CSMD2: variants seen among roughly 807,000 people sequenced by gnomAD.
The protein encoded by CSMD2 is CUB and sushi domain-containing protein 2.
Under a neutral mutation model 398.5 loss-of-function variants are expected in CSMD2, and 130 were observed. The ratio of observed to expected loss-of-function variants is 0.33; its 90% CI spans 0.28 to 0.38. CSMD2 has a LOEUF of 0.38. Ranked by LOEUF, CSMD2 falls within the 10% of genes least tolerant of loss-of-function variation. The pLI is 1.00. For missense variants in CSMD2, 3,829 were observed against 4,764.9 expected (o/e 0.80, Z 5.78); for synonymous variants, 1,828 against 1,908.5 (o/e 0.96, Z 1.10).
intron 3 of CSMD2, among the ~76,000 whole-genome samples, chr1:34,013,636 A>G (rs1461969593): frequency 4.6e-5 from 7 of 152,106 alleles, no homozygotes; most frequent in Non-Finnish European, 8.8e-5. Flanking sequence ...AGGAGCTGAC[A>G]CTACAACTGC....
At chr1:33,957,967 A>G (rs968473143) in intron 3 of CSMD2, among the ~76,000 whole-genome samples, 4 of 151,426 alleles carry the variant, frequency 2.6e-5, no homozygotes, top group African/African-American at 9.7e-5. Context: ...GCACGCACGC[A>G]TGTGTGTGTG....
At chr1:33,575,559 G>T (rs944388690) in intron 49 of CSMD2, among the ~76,000 whole-genome samples, 1 of 152,120 alleles carries the variant, frequency 6.6e-6, no homozygotes, top group Non-Finnish European at 1.5e-5. Flanking sequence ...GGAGGCAAGG[G>T]GTGCAGTGGG....
At chr1:33,796,235 C>T (rs1249220415) in intron 10 of CSMD2, among the ~76,000 whole-genome samples, 2 of 152,208 alleles carry the variant, frequency 1.3e-5, no homozygotes, top group South Asian at 4.1e-4. Context: ...CTGAGACCTA[C>T]AATGTGCTCA....
Position 33,662,754 on chromosome 1 carries a change from A to G in CSMD2, c.4255+136T>C, listed in dbSNP as rs561872314. ...ACAGACATTTGAACAGGTGCTAACC[A>G]TGTACCAGGCACATAGCAGATGTTC... On this transcript the variant is annotated intron_variant, in intron 26 of 70. Coordinates refer to ENST00000373381, the MANE Select transcript of CSMD2 (RefSeq NM_001281956.2). The G allele has an allele frequency of 1.7e-4, 146 of 855,464 alleles. No homozygotes were observed. In the African/African-American group the frequency reaches 2.2e-3, roughly 13 times the overall value. The allele number at this position is 855,464 out of a possible 1,614,324, so 53.0% of individuals were successfully genotyped here. A position where few individuals can be genotyped will look rare whatever the true frequency, so the allele number is the denominator to read the frequency against.
In CSMD2 at chr1:33,552,354, C is replaced by T. The variant is rs1312596824; in HGVS notation, c.8744-2004G>A. On this transcript the variant is annotated intron_variant, in intron 55 of 70. Coordinates refer to ENST00000373381, the MANE Select transcript of CSMD2 (RefSeq NM_001281956.2). ...TTTGGAAAACAGTTTGGCAGTTCCT[C>T]AAAAAGTTAAATATAGAGTTCCTAT... is the stretch of plus-strand genomic sequence containing the variant. Among the ~76,000 whole-genome samples the T allele has an allele frequency of 2.6e-5, 4 of 152,310 alleles. No homozygotes were observed. In the East Asian group the frequency reaches 7.7e-4, roughly 29 times the overall value.
chr1:33,744,901 G>T (rs1437135162), intron 13 of CSMD2, among the ~76,000 whole-genome samples: 2 of 152,102 alleles, frequency 1.3e-5, no homozygotes, highest in African/African-American at 4.8e-5. Flanking sequence ...CTTTTTGAAG[G>T]GAGTATGTAA....
chr1:33,942,169 T>C (rs996613428), intron 3 of CSMD2, among the ~76,000 whole-genome samples: 3 of 152,228 alleles, frequency 2.0e-5, no homozygotes, highest in African/African-American at 7.2e-5. Flanking sequence ...TTGCCAGAGA[T>C]GTTGGAGCAT....
chr1:33,888,578 A>G (rs1238053648), intron 5 of CSMD2, among the ~76,000 whole-genome samples: 1 of 152,182 alleles, frequency 6.6e-6, no homozygotes, highest in Non-Finnish European at 1.5e-5. Flanking sequence ...TATAGCTCAA[A>G]CCTCGTACAA....
At chr1:33,600,150 G>A in intron 44 of CSMD2, 1 of 714,934 alleles carries the variant, frequency 1.4e-6, no homozygotes, top group South Asian at 1.5e-5. Flanking sequence ...AGTGGGGAAG[G>A]GACCTGTGCA....
intron 3 of CSMD2, among the ~76,000 whole-genome samples, chr1:33,953,788 G>A (rs971345037): frequency 6.6e-6 from 1 of 152,304 alleles, no homozygotes; most frequent in South Asian, 2.1e-4. Context: ...AGCTGACCCT[G>A]CTCCCTGAGA....
chr1:33,940,066 A>G lies in CSMD2; in HGVS notation c.518-4112T>C, dbSNP rs146389321. ...AGAAGTTTAAAATCAAGGTGTCAGCAGAGCCATGATCTCTTTGAAACTTGT... is the reference window on the plus strand; with the variant it reads ...AGAAGTTTAAAATCAAGGTGTCAGCGGAGCCATGATCTCTTTGAAACTTGT... On this transcript the variant is annotated intron_variant, in intron 3 of 70. Transcript: ENST00000373381. 9.7e-3 allele frequency among the ~76,000 whole-genome samples: 1,482 copies of G among 152,366 alleles called. 21 individuals are homozygous for G. Among genetic ancestry groups the G allele is most frequent in the African/African-American group, 0.034 (1,404 of 41,582 alleles).
rs908676708 is a variant in CSMD2 at position 33,527,814 on chromosome 1, T to C, written c.10172-556A>G. Among the ~76,000 whole-genome samples the C allele has an allele frequency of 2.4e-4, 37 of 152,146 alleles. 1 individual carries two copies. Among genetic ancestry groups the C allele is most frequent in the Admixed American group, 1.4e-3 (22 of 15,264 alleles). On this transcript the variant is annotated intron_variant, in intron 64 of 70. Transcript: ENST00000373381. ...CATCCAAGTGCACAGACTCCCTGAATGTCCTCATTGAAAACTTTGCGGAGG... is the reference window on the plus strand; with the variant it reads ...CATCCAAGTGCACAGACTCCCTGAACGTCCTCATTGAAAACTTTGCGGAGG...
chr1:33,544,168 G>A (rs559186355), intron 57 of CSMD2, among the ~76,000 whole-genome samples: 2 of 144,404 alleles, frequency 1.4e-5, no homozygotes, highest in South Asian at 2.2e-4. Flanking sequence ...CTGCAGTGGC[G>A]CTATCTTGGC....
chr1:34,019,784 C>G (rs1183663033), intron 3 of CSMD2, among the ~76,000 whole-genome samples: 2 of 152,190 alleles, frequency 1.3e-5, no homozygotes, highest in Non-Finnish European at 2.9e-5. Flanking sequence ...CTAGGTCCTA[C>G]ATGAGCTATT....
rs1655933003 is a variant in CSMD2, at chr1:33,537,670, C to T, written c.9632-61G>A. 5 of 1,499,798 alleles carry T rather than the reference C, an allele frequency of 3.3e-6. No homozygotes were observed. Among genetic ancestry groups the T allele is most frequent in the Non-Finnish European group, 4.5e-6 (5 of 1,109,272 alleles). The allele number at this position is 1,499,798 out of a possible 1,614,324, so 92.9% of individuals were successfully genotyped here. A position where few individuals can be genotyped will look rare whatever the true frequency, so the allele number is the denominator to read the frequency against. ...GCTTTCCAGAACCCAATCTTCCAGTCCCACACCCCCATCTTTGTTCTTTGC... is the reference window on the plus strand; with the variant it reads ...GCTTTCCAGAACCCAATCTTCCAGTTCCACACCCCCATCTTTGTTCTTTGC... On this transcript the variant is annotated intron_variant, in intron 60 of 70. Coordinates refer to ENST00000373381, the MANE Select transcript of CSMD2 (RefSeq NM_001281956.2). This position sits in a 1 kb window ranked among gnomAD's most constrained non-coding sequence, Gnocchi z 4.6.
At chr1:33,521,891 AAATACTTCAGAAC>A (rs1654336719) in intron 67 of CSMD2, among the ~76,000 whole-genome samples, 1 of 152,248 alleles carries the variant, frequency 6.6e-6, no homozygotes, top group Non-Finnish European at 1.5e-5. Context: ...AATAAAGATG[AAATACTTCAGAAC>A]ACTTAATTTA....
chr1:33,611,355 T>G (rs1570938689), intron 40 of CSMD2, 105 bp from the exon 41 acceptor site: 1 of 967,380 alleles, frequency 1.0e-6, no homozygotes, highest in East Asian at 2.5e-5. Flanking sequence ...TCCCTGCTAC[T>G]GATTTCCCAC....
intron 2 of CSMD2, among the ~76,000 whole-genome samples, chr1:34,087,191 A>G (rs1346556443): frequency 1.3e-5 from 2 of 151,838 alleles, no homozygotes; most frequent in Non-Finnish European, 2.9e-5. Context: ...GGGATACCAC[A>G]CCATACATGA....
chr1:33,698,781 G>C lies in CSMD2; in HGVS notation c.3897C>G (p.Thr1299=). ...ELLCLSGERR[T]WDRPLPTCVA... is the part of the protein sequence containing the mutation. ...CACAGGTGGGCAGAGGCCGGTCCCA[G>C]GTCCGGCGCTCTCCACTCAGACACA... The change falls in exon 24 of 71, where the codon ACC becomes ACG. Residue 1299 remains threonine, a synonymous_variant. Transcript: ENST00000373381. The C allele has an allele frequency of 6.2e-7, 1 of 1,613,582 alleles. No individual in the cohort carries two copies. Among genetic ancestry groups the C allele is most frequent in the Non-Finnish European group, 8.5e-7 (1 of 1,179,752 alleles).
Sources: gnomAD v4.1 joint callset for allele counts (sites outside exome capture counted in the v4.1 genomes callset) on GRCh38, gnomAD v4.1.1 for gene constraint, Gnocchi (gnomAD v3.1) non-coding constraint, MANE v1.5 for transcripts, NCBI Gene and HGNC (gene_info 2026-07-23, HGNC 2026-07-21) for gene names.